VTI1B: variants seen among roughly 807,000 people sequenced by gnomAD.
VTI1B encodes the protein vesicle transport through interaction with t-SNAREs homolog 1B.
VTI1B carries 18 observed loss-of-function variants against 28.6 expected under a neutral mutation model. That is an observed-to-expected ratio of 0.63 (90% CI 0.43 to 0.93). The LOEUF (loss-of-function observed/expected upper bound fraction) is 0.93. VTI1B is among the 40% of genes least tolerant of loss of function. VTI1B has a pLI of 0.00. For missense variants in VTI1B, 283 were observed against 297.0 expected, an observed-to-expected ratio of 0.95 and a Z score of 0.35; for synonymous variants, 100 against 107.9, an observed-to-expected ratio of 0.93 and a Z score of 0.46.
At chr14:67,657,760 T>C (rs1165621292) in intron 3 of VTI1B, among the ~76,000 whole-genome samples, 1 of 24,528 alleles carries the variant, frequency 4.1e-5, no homozygotes, top group African/African-American at 9.6e-5. Context: ...TCTTTTTTTT[T>C]TTTTTTTTGA....
intron 1 of VTI1B, 63 bp downstream of exon 1, chr14:67,674,312 A>G (rs2234511): frequency 0.15 from 205,490 of 1,404,586 alleles, 15,843 homozygotes; most frequent in African/African-American, 0.23. Flanking sequence ...GGAAGGTGGG[A>G]GAATCTTCCT....
Position 67,674,562 on chromosome 14 carries a change from C to A in VTI1B, c.-73G>T. 2 of 1,373,138 alleles carry A rather than the reference C, an allele frequency of 1.5e-6. No individual in the cohort carries two copies. The highest frequency in any genetic ancestry group is 1.9e-6 in the Non-Finnish European group (2 of 1,037,272). The allele number at this position is 1,373,138 out of a possible 1,614,324, so 85.1% of individuals were successfully genotyped here. A position where few individuals can be genotyped will look rare whatever the true frequency, so the allele number is the denominator to read the frequency against. On this transcript the variant is annotated 5_prime_UTR_variant, in exon 1 of 6. Transcript: ENST00000554659. ...GCCCTTTCCTAGCCCGGCGGTCAGC[C>A]GCCCAGCCCAGTGGCCATAACGGCG...
chr14:67,668,660 T>TG (rs2037430926), intron 1 of VTI1B, among the ~76,000 whole-genome samples: 1 of 114,914 alleles, frequency 8.7e-6, no homozygotes, highest in Non-Finnish European at 2.4e-5. Flanking sequence ...GGAAACACAG[T>TG]GAAAAAAAGA....
At chr14:67,672,432 TTTTTC>T (rs560224426) in intron 1 of VTI1B, among the ~76,000 whole-genome samples, 11,586 of 139,786 alleles carry the variant, frequency 0.083, 676 homozygotes, top group East Asian at 0.22. Flanking sequence ...AGTCTACTTT[TTTTTC>T]TTTTCTTTTC....
chr14:67,663,046 T>C, intron 1 of VTI1B: 1 of 1,433,054 alleles, frequency 7.0e-7, no homozygotes, highest in South Asian at 1.6e-5. Context: ...GCTGAGAGGC[T>C]GTCTGGTGTG....
chr14:67,651,182 G>C lies in VTI1B; in HGVS notation c.*203C>G. 1 of 1,029,924 alleles carries C rather than the reference G, an allele frequency of 9.7e-7. No individual in the cohort carries two copies. The highest frequency in any genetic ancestry group is 1.6e-5 in the African/African-American group (1 of 61,620). 63.8% of individuals were successfully genotyped at this position (1,029,924 alleles called of 1,614,324 possible). ...AGTCATAAACAGCATTTATTACCTT[G>C]GTATATCATACTGGTCTTGTTGCTG... is the stretch of plus-strand genomic sequence containing the variant. On this transcript the variant is annotated 3_prime_UTR_variant, in exon 6 of 6. Transcript: ENST00000554659.
intron 1 of VTI1B, 73 bp from the exon 2 acceptor site, chr14:67,662,608 C>T (rs757365371): frequency 1.3e-5 from 18 of 1,361,208 alleles, no homozygotes; most frequent in Admixed American, 2.1e-5. Context: ...CCCTCTGCTT[C>T]GAATAAGCTT....
At position 67,650,551 on chromosome 14, in the gene VTI1B, G is replaced by C; in HGVS notation, c.*834C>G. 1.6e-6 allele frequency: 1 copy of C among 623,182 alleles called. No individual in the cohort carries two copies. 38.6% of individuals were successfully genotyped at this position (623,182 alleles called of 1,614,324 possible). ...CAACAGTGTTTTAACTTAAATTCAT[G>C]GCCAAGAGGATGAGGTGCAAGGGGC... On this transcript the variant is annotated 3_prime_UTR_variant, in exon 6 of 6. Coordinates refer to ENST00000554659, the MANE Select transcript of VTI1B (RefSeq NM_006370.3).
intron 2 of VTI1B, among the ~76,000 whole-genome samples, chr14:67,660,862 T>C (rs951650265): frequency 1.3e-5 from 2 of 152,166 alleles, no homozygotes; most frequent in Non-Finnish European, 2.9e-5. Context: ...TACCAAGGTA[T>C]TAACTGAAAC....
In VTI1B at chr14:67,648,674, A is replaced by C. The variant is rs562038895; in HGVS notation, c.*2711T>G. 5 of 152,534 alleles carry C rather than the reference A, an allele frequency of 3.3e-5. No individual in the cohort carries two copies. The East Asian group carries it at 9.6e-4, about 29-fold the overall frequency. The allele number at this position is 152,534 out of a possible 1,614,324, so 9.4% of individuals were successfully genotyped here. ...CTAGAGCCTGAAAGGATTTCTAATA[A>C]GGGGGATACAGTTAGATGAGAATGG... is the stretch of plus-strand genomic sequence containing the variant. On this transcript the variant is annotated 3_prime_UTR_variant, in exon 6 of 6. Coordinates refer to ENST00000554659, the MANE Select transcript of VTI1B (RefSeq NM_006370.3).
chr14:67,659,696 G>GAA (rs751739606), intron 3 of VTI1B, 35 bp downstream of exon 3: 24 of 1,369,270 alleles, frequency 1.8e-5, no homozygotes, highest in South Asian at 4.2e-5. Flanking sequence ...GGCCCTTAAA[G>GAA]GAAAAAAAAA....
chr14:67,657,543 T>G (rs1415286286), intron 3 of VTI1B, among the ~76,000 whole-genome samples: 1 of 151,840 alleles, frequency 6.6e-6, no homozygotes, highest in Non-Finnish European at 1.5e-5. Flanking sequence ...TAACAACCAC[T>G]GACAGAAACG....
intron 4 of VTI1B, among the ~76,000 whole-genome samples, chr14:67,654,521 G>C (rs888639505): frequency 2.0e-5 from 3 of 152,104 alleles, no homozygotes; most frequent in African/African-American, 4.8e-5. Context: ...ATTCTCCATA[G>C]CTTGCCTTGA....
chr14:67,669,592 A>C (rs1205179539), intron 1 of VTI1B, among the ~76,000 whole-genome samples: 4 of 152,160 alleles, frequency 2.6e-5, no homozygotes, highest in Admixed American at 2.0e-4. Flanking sequence ...TAATGGCAGA[A>C]GAAGAAACAT....
At position 67,658,361 on chromosome 14, in the gene VTI1B, G is replaced by A. The variant is rs867670176; in HGVS notation, c.366+1370C>T. ...TGTAATCCCAGCACTTTGGGAGGCC[G>A]AGACGGGTGGATCACAAGGTCAGGA... On this transcript the variant is annotated intron_variant, in intron 3 of 5. Coordinates refer to ENST00000554659, the MANE Select transcript of VTI1B (RefSeq NM_006370.3). Among the ~76,000 whole-genome samples, 8 of 152,064 alleles carry A rather than the reference G, an allele frequency of 5.3e-5. No homozygotes were observed. In the South Asian group the frequency reaches 6.2e-4, roughly 12 times the overall value.
chr14:67,664,247 T>C (rs1187713292), intron 1 of VTI1B, among the ~76,000 whole-genome samples: 5 of 152,230 alleles, frequency 3.3e-5, no homozygotes, highest in Admixed American at 3.3e-4. Context: ...TCTCCAGAAC[T>C]TGTTTATCCT....
intron 1 of VTI1B, among the ~76,000 whole-genome samples, chr14:67,672,138 T>TG (rs1203222069): frequency 1.8e-4 from 26 of 140,618 alleles, no homozygotes; most frequent in African/African-American, 3.7e-4. Context: ...TTTTTTTTTT[T>TG]GGGAGAGTCT....
chr14:67,658,546 G>A (rs1350761962), intron 3 of VTI1B, among the ~76,000 whole-genome samples: 3 of 152,160 alleles, frequency 2.0e-5, no homozygotes, highest in African/African-American at 4.8e-5. Flanking sequence ...GCAGTGAGCC[G>A]AGATTGCGCC....
At chr14:67,656,267 A>T (rs1369921326) in intron 4 of VTI1B, 149 bp downstream of exon 4, 30 of 770,888 alleles carry the variant, frequency 3.9e-5, no homozygotes, top group Non-Finnish European at 5.2e-5. Context: ...AAAAATTAAT[A>T]AATAAAAATT....
Sources: gnomAD v4.1 joint callset for allele counts (sites outside exome capture counted in the v4.1 genomes callset) on GRCh38, gnomAD v4.1.1 for gene constraint, MANE v1.5 for transcripts, NCBI Gene and HGNC (gene_info 2026-07-23, HGNC 2026-07-21) for gene names.